FGD4: variants seen among roughly 807,000 people sequenced by gnomAD.
FGD4 encodes FYVE, RhoGEF and PH domain-containing protein 4.
A neutral mutation model predicts 102.0 loss-of-function variants in FGD4; 42 were observed. The ratio of observed to expected loss-of-function variants is 0.41; its 90% CI spans 0.32 to 0.53. The LOEUF (loss-of-function observed/expected upper bound fraction) is 0.53. FGD4 is among the 20% of genes least tolerant of loss of function. FGD4 has a pLI of 0.21. For synonymous variants in FGD4, 380 were observed against 375.7 expected (o/e 1.01, Z -0.13); for missense variants, 902 against 1,078.2 (o/e 0.84, Z 2.29).
chr12:32,498,753 C>T (rs951643718), intron 1 of FGD4, among the ~76,000 whole-genome samples: 2 of 152,118 alleles, frequency 1.3e-5, no homozygotes, highest in African/African-American at 4.8e-5. Context: ...CAGGCGCACA[C>T]CACCATGCCC....
intron 1 of FGD4, among the ~76,000 whole-genome samples, chr12:32,430,549 C>G (rs765895865): frequency 1.3e-5 from 2 of 151,918 alleles, no homozygotes; most frequent in African/African-American, 2.4e-5. Flanking sequence ...TTTATATGTT[C>G]TGCAAAAACA....
At chr12:32,499,117 A>T (rs951572103) in intron 1 of FGD4, among the ~76,000 whole-genome samples, 16 of 152,226 alleles carry the variant, frequency 1.1e-4, no homozygotes, top group Non-Finnish European at 1.5e-4. Flanking sequence ...ATGGAACAAC[A>T]TTCCCAAGGT....
chr12:32,527,360 C>CTT (rs1039018273), intron 1 of FGD4, among the ~76,000 whole-genome samples: 7 of 152,138 alleles, frequency 4.6e-5, no homozygotes, highest in African/African-American at 1.7e-4. Flanking sequence ...GGTGAGCTCC[C>CTT]TTTGCAGTCC....
intron 12 of FGD4, 177 bp from the exon 13 acceptor site, chr12:32,624,799 C>A: frequency 1.5e-6 from 1 of 653,286 alleles, no homozygotes; most frequent in Non-Finnish European, 2.7e-6. Context: ...TTTTTAGTAA[C>A]ATCTCTGTGT....
rs768536136 is a variant in FGD4 at position 32,530,941 on chromosome 12, G to GTTTTTTTTTTTTTTTT, written c.167-33182_167-33167dup. On this transcript the variant is annotated intron_variant, in intron 1 of 16. Coordinates refer to ENST00000534526, the MANE Select transcript of FGD4 (RefSeq NM_001370298.3). ...TATGACAATCAGTTTCCTAGCTTTG[G>GTTTTTTTTTTTTTTTT]TTTTTTTTTTTTTTTTTTTTTTTTT... Among the ~76,000 whole-genome samples the GTTTTTTTTTTTTTTTT allele has an allele frequency of 2.8e-4, 20 of 70,480 alleles. 3 individuals are homozygous for GTTTTTTTTTTTTTTTT. The highest frequency in any genetic ancestry group is 1.0e-3 in the African/African-American group (15 of 14,492). The allele number at this position is 70,480 out of a possible 152,430, so 46.2% of individuals were successfully genotyped here. A position where few individuals can be genotyped will look rare whatever the true frequency, so the allele number is the denominator to read the frequency against.
At chr12:32,528,483 G>C (rs958700521) in intron 1 of FGD4, among the ~76,000 whole-genome samples, 2 of 152,062 alleles carry the variant, frequency 1.3e-5, no homozygotes, top group Non-Finnish European at 2.9e-5. Flanking sequence ...CTGCCTCCCA[G>C]CTTCAAGCAA....
chr12:32,549,704 T>C (rs1338915566), intron 1 of FGD4, among the ~76,000 whole-genome samples: 1 of 152,194 alleles, frequency 6.6e-6, no homozygotes, highest in African/African-American at 2.4e-5. Context: ...ATGGTGTGTT[T>C]AGGGACGGCT....
At chr12:32,639,658 G>C (rs900840760) in intron 16 of FGD4, among the ~76,000 whole-genome samples, 3 of 152,164 alleles carry the variant, frequency 2.0e-5, no homozygotes, top group African/African-American at 7.2e-5. Flanking sequence ...AACAAGAGCA[G>C]CACCAGGTCC....
At chr12:32,639,814 A>G (rs538374516) in intron 16 of FGD4, among the ~76,000 whole-genome samples, 2 of 152,310 alleles carry the variant, frequency 1.3e-5, no homozygotes, top group African/African-American at 4.8e-5. Context: ...TTGAAAATAG[A>G]CTGAAAATGA....
intron 7 of FGD4, among the ~76,000 whole-genome samples, chr12:32,607,539 G>A (rs912922233): frequency 2.0e-5 from 3 of 151,938 alleles, no homozygotes; most frequent in South Asian, 2.1e-4. Flanking sequence ...TTTTTGAGAC[G>A]GAGTCTCACT....
At chr12:32,426,609 C>G (rs1023671140) in intron 1 of FGD4, among the ~76,000 whole-genome samples, 10 of 152,036 alleles carry the variant, frequency 6.6e-5, no homozygotes, top group Non-Finnish European at 1.0e-4. Flanking sequence ...CCCTCTTTTT[C>G]TGTTGTTTGG....
intron 1 of FGD4, among the ~76,000 whole-genome samples, chr12:32,496,977 A>G (rs1937860752): frequency 6.6e-6 from 1 of 152,250 alleles, no homozygotes; most frequent in Non-Finnish European, 1.5e-5. Context: ...AGACACAATT[A>G]TCTTTCAAAT....
At chr12:32,445,107 CA>C (rs1473701913) in intron 1 of FGD4, among the ~76,000 whole-genome samples, 1 of 152,046 alleles carries the variant, frequency 6.6e-6, no homozygotes, top group Non-Finnish European at 1.5e-5. Context: ...GAATGTGAGA[CA>C]AATGAAGTGT....
At chr12:32,455,394 A>C (rs949409013) in intron 1 of FGD4, among the ~76,000 whole-genome samples, 5 of 152,150 alleles carry the variant, frequency 3.3e-5, no homozygotes, top group Non-Finnish European at 2.9e-5. Flanking sequence ...TTTATTTTAA[A>C]ATACCAGGAT....
chr12:32,480,378 G>T (rs753793960), intron 1 of FGD4, among the ~76,000 whole-genome samples: 9 of 151,710 alleles, frequency 5.9e-5, no homozygotes, highest in Non-Finnish European at 1.2e-4. Context: ...TAGCTAGGAT[G>T]GTCTCGATCT....
intron 1 of FGD4, among the ~76,000 whole-genome samples, chr12:32,529,061 T>C (rs1941538187): frequency 6.6e-6 from 1 of 152,236 alleles, no homozygotes; most frequent in African/African-American, 2.4e-5. Context: ...TGGCATACGT[T>C]CAAGAATTTC....
At position 32,581,674 on chromosome 12, in the gene FGD4, AAAAT is replaced by A. The variant is rs139928530; in HGVS notation, c.504-275_504-272del. ...AGGATCAAGAAAAGTTAAGCGTTGA[AAAAT>A]AAATAAATAAGTTATAAATAAAATA... On this transcript the variant is annotated intron_variant, in intron 3 of 16. Coordinates refer to ENST00000534526, the MANE Select transcript of FGD4 (RefSeq NM_001370298.3). Among the ~76,000 whole-genome samples the A allele has an allele frequency of 0.024, 3,594 of 152,278 alleles. 123 individuals carry two copies. Among genetic ancestry groups the A allele is most frequent in the African/African-American group, 0.08 (3,316 of 41,534 alleles).
chr12:32,478,644 T>G (rs1336443386), intron 1 of FGD4, among the ~76,000 whole-genome samples: 1 of 152,236 alleles, frequency 6.6e-6, no homozygotes, highest in Non-Finnish European at 1.5e-5. Flanking sequence ...CAAGCTTCCC[T>G]TAGTTGCTTG....
At chr12:32,508,042 C>T (rs1184213917) in intron 1 of FGD4, among the ~76,000 whole-genome samples, 1 of 152,156 alleles carries the variant, frequency 6.6e-6, no homozygotes, top group Middle Eastern at 3.2e-3. Context: ...TCTGCACTCA[C>T]ACCGTGCTCA....
Sources: gnomAD v4.1 joint callset for allele counts (sites outside exome capture counted in the v4.1 genomes callset) on GRCh38, gnomAD v4.1.1 for gene constraint, MANE v1.5 for transcripts, NCBI Gene and HGNC (gene_info 2026-07-23, HGNC 2026-07-21) for gene names.